The following MAP3K10 variants were observed in gnomAD, a reference collection of about 807,000 sequenced individuals.
MAP3K10 encodes MKN28 derived nonreceptor_type serine/threonine kinase.
A neutral mutation model predicts 75.0 loss-of-function variants in MAP3K10; 22 were observed. That is an observed-to-expected ratio of 0.29 (90% confidence interval 0.21 to 0.42). MAP3K10 has a LOEUF of 0.42. MAP3K10 is among the 10% of genes least tolerant of loss of function. The pLI is 1.00. For missense variants in MAP3K10, 1,165 were observed against 1,379.8 expected, an observed-to-expected ratio of 0.84 and a Z score of 2.47; for synonymous variants, 599 against 612.9, an observed-to-expected ratio of 0.98 and a Z score of 0.34.
chr19:40,200,612 CTTTTTT>C (rs71171548), intron 2 of MAP3K10, among the ~76,000 whole-genome samples: 2 of 79,950 alleles, frequency 2.5e-5, no homozygotes, highest in Non-Finnish European at 4.8e-5. Flanking sequence ...TTTGTGCTAC[CTTTTTT>C]TTTTTTTTTT....
At position 40,204,287 on chromosome 19, in the gene MAP3K10, G is replaced by A. The variant is rs1232952908; in HGVS notation, c.864-198G>A. ...GAGAGGGAAGACAGGCCGAGCAAAG[G>A]AGAGACATCAGAGAGCCAAACCCAC... is the stretch of plus-strand genomic sequence containing the variant. On this transcript the variant is annotated intron_variant, in intron 2 of 9. Transcript: ENST00000253055. This position sits in a 1 kb window ranked among gnomAD's most constrained non-coding sequence, Gnocchi z 4.3. Among the ~76,000 whole-genome samples, 5 of 152,288 alleles carry A rather than the reference G, an allele frequency of 3.3e-5. No individual in the cohort carries two copies. The highest frequency in any genetic ancestry group is 3.3e-4 in the Admixed American group (5 of 15,290).
chr19:40,193,108 G>C (rs1972848392), intron 1 of MAP3K10, among the ~76,000 whole-genome samples: 1 of 152,180 alleles, frequency 6.6e-6, no homozygotes, highest in African/African-American at 2.4e-5. Flanking sequence ...CTCAACCCCA[G>C]CACTATTGGC....
At position 40,212,251 on chromosome 19, in the gene MAP3K10, T is replaced by G. The variant is rs895728410; in HGVS notation, c.1553-554T>G. Among the ~76,000 whole-genome samples, 1 of 152,014 alleles carries G rather than the reference T, an allele frequency of 6.6e-6. No individual in the cohort carries two copies. The highest frequency in any genetic ancestry group is 1.5e-5 in the Non-Finnish European group (1 of 67,978). On this transcript the variant is annotated intron_variant, in intron 6 of 9. Coordinates refer to ENST00000253055, the MANE Select transcript of MAP3K10 (RefSeq NM_002446.4). The surrounding 1 kb of genome is among the most constrained non-coding windows in gnomAD (Gnocchi z 4.2). Reference sequence around the variant, plus strand: ...CGGTCATCGGAGTTTCCTGGTGGGTTGAAGGGTGAAAGGCTAGCTCCCAAG... The same window carrying G: ...CGGTCATCGGAGTTTCCTGGTGGGTGGAAGGGTGAAAGGCTAGCTCCCAAG...
At position 40,192,337 on chromosome 19, in the gene MAP3K10, G is replaced by T; in HGVS notation, c.306G>T (p.Glu102Asp). ...EIPFHELQLEEIIGVGGFGKV... is the reference protein window; with the variant it reads ...EIPFHELQLEDIIGVGGFGKV... ...CCTTCCACGAGCTGCAGCTAGAGGA[G>T]ATCATCGGTGTGGGGGGCTTTGGCA... The change falls in exon 1 of 10, where the codon GAG becomes GAT. Residue 102 changes from glutamate (E) to aspartate (D), a missense_variant. Around this residue, in one of 2 missense-constraint regions of MAP3K10, gnomAD observed 575 missense variants for 793.2 expected, o/e 0.72. Transcript: ENST00000253055. This position sits in a 1 kb window ranked among gnomAD's most constrained non-coding sequence, Gnocchi z 7.1. 1.2e-6 allele frequency: 2 copies of T among 1,612,840 alleles called. No homozygotes were observed. The highest frequency in any genetic ancestry group is 1.3e-5 in the African/African-American group (1 of 75,050).
In MAP3K10 at chr19:40,192,486, T is replaced by G; in HGVS notation, c.455T>G (p.Leu152Arg). The G allele has an allele frequency of 6.2e-7, 1 of 1,613,840 alleles. No homozygotes were observed. The highest frequency in any genetic ancestry group is 8.5e-7 in the Non-Finnish European group (1 of 1,179,974). The change falls in exon 1 of 10, where the codon CTG (leucine) becomes CGG (arginine). Residue 152 changes from leucine to arginine, a missense_variant. Physicochemically the swap from Leu to Arg is moderately radical, Grantham distance 102. Coordinates refer to ENST00000253055, the MANE Select transcript of MAP3K10 (RefSeq NM_002446.4). The surrounding 1 kb of genome is among the most constrained non-coding windows in gnomAD (Gnocchi z 7.1). ...CAGGAAGCCCGGCTCTTTGGAGCCCTGCAGCACCCCAACATAATTGCCCTT... is the reference window on the plus strand; with the variant it reads ...CAGGAAGCCCGGCTCTTTGGAGCCCGGCAGCACCCCAACATAATTGCCCTT... The part of the protein sequence containing the change: ...VCQEARLFGA[L>R]QHPNIIALRG...
chr19:40,208,492 A>G (rs567789477), intron 5 of MAP3K10, among the ~76,000 whole-genome samples: 1 of 147,532 alleles, frequency 6.8e-6, no homozygotes, highest in South Asian at 2.2e-4. Context: ...CACCGCGCCC[A>G]GCCCCCATAC....
chr19:40,214,411 C>G (rs1308297517), intron 9 of MAP3K10, among the ~76,000 whole-genome samples, 190 bp downstream of exon 9: 1 of 152,142 alleles, frequency 6.6e-6, no homozygotes, highest in Non-Finnish European at 1.5e-5. Context: ...GAGACACAGG[C>G]GGCAAACTGA....
chr19:40,208,366 T>TTTTTTTTTTTTTTTTTTTTA (rs1408319138), intron 5 of MAP3K10, among the ~76,000 whole-genome samples: 2 of 131,480 alleles, frequency 1.5e-5, no homozygotes, highest in African/African-American at 5.7e-5. Flanking sequence ...TTTTTTTTTT[T>TTTTTTTTTTTTTTTTTTTTA]TTTGTATTTT....
At position 40,196,527 on chromosome 19, in the gene MAP3K10, T is replaced by G. The variant is rs191859696; in HGVS notation, c.683-1848T>G. On this transcript the variant is annotated intron_variant, in intron 1 of 9. Coordinates refer to ENST00000253055, the MANE Select transcript of MAP3K10 (RefSeq NM_002446.4). ...AGACCCTGTCTCTTTATTTATTTAT[T>G]TATTTCATTGAGATGGAGTCTCGCT... Among the ~76,000 whole-genome samples the G allele has an allele frequency of 4.9e-3, 752 of 152,266 alleles. 11 individuals carry two copies. The highest frequency in any genetic ancestry group is 0.035 in the Admixed American group (534 of 15,274).
intron 2 of MAP3K10, among the ~76,000 whole-genome samples, chr19:40,202,016 GA>G (rs1363683096): frequency 4.6e-5 from 7 of 150,562 alleles, no homozygotes; most frequent in Non-Finnish European, 1.5e-5. Flanking sequence ...CCAACCACAA[GA>G]AGGGGAAAAA....
intron 1 of MAP3K10, among the ~76,000 whole-genome samples, chr19:40,194,481 T>C (rs1326175745): frequency 6.6e-6 from 1 of 152,160 alleles, no homozygotes; most frequent in East Asian, 1.9e-4. Flanking sequence ...CCCAGCATGC[T>C]CCTGTTGAAG....
intron 1 of MAP3K10, among the ~76,000 whole-genome samples, chr19:40,197,411 C>T (rs1189611115): frequency 1.3e-5 from 2 of 151,972 alleles, no homozygotes; most frequent in African/African-American, 4.8e-5. Flanking sequence ...CTGCCACCTC[C>T]ACCTCCCAGG....
At chr19:40,203,348 G>T (rs944347855) in intron 2 of MAP3K10, among the ~76,000 whole-genome samples, 1 of 151,996 alleles carries the variant, frequency 6.6e-6, no homozygotes, top group Non-Finnish European at 1.5e-5. Flanking sequence ...AAAAAAAAAG[G>T]ATATGTTGAA....
In MAP3K10 at chr19:40,213,608, G is replaced by A. The variant is rs1307288356; in HGVS notation, c.1929G>A (p.Glu643=). The change falls in exon 9 of 10, where the codon GAG becomes GAA. Residue 643 remains glutamate (E), a synonymous_variant. Transcript: ENST00000253055. This position sits in a 1 kb window ranked among gnomAD's most constrained non-coding sequence, Gnocchi z 5.7. ...PSYLSVPLPA[E]PSPGARAPWE... ...ACCTCTCAGTGCCACTGCCTGCCGAGCCCTCCCCGGGGGCGCGGGCGCCGT... is the reference window on the plus strand; with the variant it reads ...ACCTCTCAGTGCCACTGCCTGCCGAACCCTCCCCGGGGGCGCGGGCGCCGT... 1.3e-6 allele frequency: 2 copies of A among 1,585,616 alleles called. No individual in the cohort carries two copies. The highest frequency in any genetic ancestry group is 1.8e-5 in the Admixed American group (1 of 57,068).
chr19:40,204,689 G>A lies in MAP3K10; in HGVS notation c.1012+56G>A, dbSNP rs1973083444. The A allele has an allele frequency of 2.5e-6, 4 of 1,583,876 alleles. No homozygotes were observed. In the Admixed American group the frequency reaches 5.1e-5, roughly 20 times the overall value. On this transcript the variant is annotated intron_variant, in intron 3 of 9. Transcript: ENST00000253055. The surrounding 1 kb of genome is among the most constrained non-coding windows in gnomAD (Gnocchi z 4.3). ...TCAGCTTGGAGTGGCAGGGACCTGT[G>A]GGCCCAGACCTTTCCCCTTCACACC...
intron 2 of MAP3K10, among the ~76,000 whole-genome samples, chr19:40,200,165 G>C (rs1457378235): frequency 6.6e-6 from 1 of 152,226 alleles, no homozygotes; most frequent in Non-Finnish European, 1.5e-5. Context: ...CAGGCATGGT[G>C]GTGGGTGCCT....
At chr19:40,201,550 T>C (rs1220502238) in intron 2 of MAP3K10, among the ~76,000 whole-genome samples, 1 of 145,952 alleles carries the variant, frequency 6.9e-6, no homozygotes, top group East Asian at 2.1e-4. Flanking sequence ...TGGAGTGCAG[T>C]GATGCCGTCA....
chr19:40,213,229 G>A lies in MAP3K10; in HGVS notation c.1837+41G>A. On this transcript the variant is annotated intron_variant, in intron 8 of 9. Coordinates refer to ENST00000253055, the MANE Select transcript of MAP3K10 (RefSeq NM_002446.4). This position sits in a 1 kb window ranked among gnomAD's most constrained non-coding sequence, Gnocchi z 5.7. ...CTTGTAAGGGGGTGGGGGTTCCCTG[G>A]CCAAAGGGGTGAGCCTCCTGGGGCT... 1 of 1,520,834 alleles carries A rather than the reference G, an allele frequency of 6.6e-7. No homozygotes were observed. The allele number at this position is 1,520,834 out of a possible 1,614,324, so 94.2% of individuals were successfully genotyped here. A position where few individuals can be genotyped will look rare whatever the true frequency, so the allele number is the denominator to read the frequency against.
intron 2 of MAP3K10, among the ~76,000 whole-genome samples, chr19:40,202,272 C>T (rs1001837197): frequency 3.3e-5 from 5 of 151,932 alleles, no homozygotes; most frequent in African/African-American, 1.2e-4. Context: ...AATCTCCTGA[C>T]CTTGTGATCC....
Sources: gnomAD v4.1 joint callset for allele counts (sites outside exome capture counted in the v4.1 genomes callset) on GRCh38, gnomAD v4.1.1 for gene constraint, gnomAD v4.1.1 regional missense constraint, Gnocchi (gnomAD v3.1) non-coding constraint, MANE v1.5 for transcripts, NCBI Gene and HGNC (gene_info 2026-07-23, HGNC 2026-07-21) for gene names.